The following ZBTB25 variants were observed in gnomAD, a reference collection of about 807,000 sequenced individuals.
The protein encoded by ZBTB25 is zinc finger and BTB domain-containing protein 25.
Under a neutral mutation model 34.2 loss-of-function variants are expected in ZBTB25, and 20 were observed. That is an observed-to-expected ratio of 0.58 (90% confidence interval 0.41 to 0.85). ZBTB25 has a LOEUF of 0.85. ZBTB25 is among the 40% of genes least tolerant of loss of function. ZBTB25 has a pLI of 0.00. For synonymous variants in ZBTB25, 175 were observed against 186.4 expected, an observed-to-expected ratio of 0.94 and a Z score of 0.50; for missense variants, 437 against 521.8, an observed-to-expected ratio of 0.84 and a Z score of 1.58.
chr14:64,458,726 T>C (rs1401187964), intron 2 of ZBTB25: 1 of 245,442 alleles, frequency 4.1e-6, no homozygotes, highest in African/African-American at 2.3e-5. Context: ...AGCAAATGTC[T>C]TAGGAAGTAT....
At chr14:64,491,082 T>C (rs1044985286) in intron 1 of ZBTB25, among the ~76,000 whole-genome samples, 4 of 152,172 alleles carry the variant, frequency 2.6e-5, no homozygotes, top group African/African-American at 9.6e-5. Context: ...TCATCAAATG[T>C]TTGGGGGACT....
At chr14:64,490,647 G>A in intron 1 of ZBTB25, 107 bp from the exon 2 acceptor site, 1 of 1,012,694 alleles carries the variant, frequency 9.9e-7, no homozygotes, top group Non-Finnish European at 1.4e-6. Context: ...AGAGTAACAA[G>A]GAGATCTAAA....
intron 1 of ZBTB25, 91 bp downstream of exon 1, chr14:64,503,570 C>T: frequency 1.0e-6 from 1 of 985,992 alleles, no homozygotes; most frequent in East Asian, 1.1e-4. Flanking sequence ...TGTCCCGCGA[C>T]TGGTGCAGCT....
At position 64,485,124 on chromosome 14, in the gene ZBTB25, TACC is replaced by T. The variant is rs1453191110; in HGVS notation, c.*1796_*1798del. ...CTTCATTCAATCCTCAAGAAAAACT[TACC>T]ACTTTGTAATTTACCTAAACTGTTT... On this transcript the variant is annotated 3_prime_UTR_variant, in exon 3 of 3. Transcript: ENST00000608382. 2.0e-6 allele frequency: 2 copies of T among 985,320 alleles called. No homozygotes were observed. Among genetic ancestry groups the T allele is most frequent in the African/African-American group, 3.5e-5 (2 of 57,256 alleles). 61.0% of individuals were successfully genotyped at this position (985,320 alleles called of 1,614,324 possible). A position where few individuals can be genotyped will look rare whatever the true frequency, so the allele number is the denominator to read the frequency against.
Position 64,487,450 on chromosome 14 carries a change from CAT to C in ZBTB25, c.779_780del (p.His260ArgfsTer17). 1.9e-6 allele frequency: 3 copies of C among 1,614,194 alleles called. No individual in the cohort carries two copies. The highest frequency in any genetic ancestry group is 1.7e-6 in the Non-Finnish European group (2 of 1,180,024). ...ACACCGAATGGCAGGGATCCAGACA[CAT>C]GTGTATGGAGATGTTGCCTTAGGTT... ...RSNLRQHLHT[H>X]VSGSLPFGVP... On this transcript the variant is annotated frameshift_variant, in exon 3 of 3. Transcript: ENST00000608382. LOFTEE classifies it high-confidence loss of function.
At chr14:64,449,518 T>G in exon 3 of ZBTB25, 1 of 1,614,144 alleles carries the variant, frequency 6.2e-7, no homozygotes, top group Non-Finnish European at 8.5e-7. Context: ...TGCCGTGAAG[T>G]GCACTCACTG....
chr14:64,486,089 G>A lies in ZBTB25; in HGVS notation c.*834C>T. On this transcript the variant is annotated 3_prime_UTR_variant, in exon 3 of 3. Transcript: ENST00000608382. ...CCAAGGCGGGCAGATGACGAGGTCA[G>A]GAGATCGAGACCATCCTGGCTAACA... The A allele has an allele frequency of 1.2e-6, 1 of 844,760 alleles. No individual in the cohort carries two copies. Among genetic ancestry groups the A allele is most frequent in the Non-Finnish European group, 1.4e-6 (1 of 702,428 alleles). 52.3% of individuals were successfully genotyped at this position (844,760 alleles called of 1,614,324 possible). A position where few individuals can be genotyped will look rare whatever the true frequency, so the allele number is the denominator to read the frequency against.
At chr14:64,459,360 G>A (rs1178025896) in intron 2 of ZBTB25, among the ~76,000 whole-genome samples, 1 of 152,156 alleles carries the variant, frequency 6.6e-6, no homozygotes, top group African/African-American at 2.4e-5. Flanking sequence ...GGGAGCACCT[G>A]AGAAAAACTA....
intron 1 of ZBTB25, among the ~76,000 whole-genome samples, chr14:64,501,707 TG>T (rs1383502756): frequency 3.3e-5 from 5 of 152,208 alleles, no homozygotes; most frequent in South Asian, 2.1e-4. Flanking sequence ...GGTTCAGTGG[TG>T]GGGAGGACAT....
downstream of ZBTB25, among the ~76,000 whole-genome samples, chr14:64,475,845 T>C (rs189390395): frequency 4.6e-5 from 7 of 152,346 alleles, no homozygotes; most frequent in Admixed American, 1.3e-4. Context: ...ATGGGAGCAG[T>C]GTCCAGCAGT....
At chr14:64,467,436 C>A (rs544502748) in intron 2 of ZBTB25, 1 of 152,304 alleles carries the variant, frequency 6.6e-6, no homozygotes, top group African/African-American at 2.4e-5. Context: ...ACATGTGATA[C>A]AGCAGATACA....
chr14:64,489,141 G>A (rs10150781), intron 2 of ZBTB25, among the ~76,000 whole-genome samples: 36,623 of 151,962 alleles, frequency 0.24, 5,159 homozygotes, highest in East Asian at 0.41. Flanking sequence ...CTAGCTACTA[G>A]GGAGACTGAA....
exon 3 of ZBTB25, chr14:64,449,420 T>G (rs1566575638): frequency 6.2e-7 from 1 of 1,611,600 alleles, no homozygotes; most frequent in Non-Finnish European, 8.5e-7. Context: ...TTTCCATGCT[T>G]TGATATGAAA....
rs1030276722 is a variant in ZBTB25, at chr14:64,478,790, C to T, written c.*8133G>A. The T allele has an allele frequency of 1.3e-4, 20 of 152,084 alleles. No homozygotes were observed. The highest frequency in any genetic ancestry group is 3.2e-3 in the Middle Eastern group (1 of 316). 9.4% of individuals were successfully genotyped at this position (152,084 alleles called of 1,614,324 possible). ...AGCATGATCCAAAAGTAGCTAAGCC[C>T]TAAATAATATTTACTATTAATAGTA... On this transcript the variant is annotated 3_prime_UTR_variant, in exon 3 of 3. Transcript: ENST00000608382.
intron 1 of ZBTB25, among the ~76,000 whole-genome samples, chr14:64,501,098 T>C (rs2140027748): frequency 6.6e-6 from 1 of 152,268 alleles, no homozygotes; most frequent in South Asian, 2.1e-4. Flanking sequence ...AAAAATTTAA[T>C]CAATAATCCT....
chr14:64,454,846 G>C (rs1350317658), intron 2 of ZBTB25: 2 of 1,614,112 alleles, frequency 1.2e-6, no homozygotes, highest in African/African-American at 1.3e-5. Flanking sequence ...CAGCGTTGGG[G>C]CTGGTTTTCT....
At chr14:64,489,256 C>T (rs986102395) in intron 2 of ZBTB25, among the ~76,000 whole-genome samples, 2 of 151,454 alleles carry the variant, frequency 1.3e-5, no homozygotes, top group East Asian at 3.9e-4. Context: ...GGTGACAGAG[C>T]TAGACTCCGT....
In ZBTB25 at chr14:64,484,103, A is replaced by G. The variant is rs1427448314; in HGVS notation, c.*2820T>C. 1 of 152,166 alleles carries G rather than the reference A, an allele frequency of 6.6e-6. No individual in the cohort carries two copies. Among genetic ancestry groups the G allele is most frequent in the African/African-American group, 2.4e-5 (1 of 41,430 alleles). 9.4% of individuals were successfully genotyped at this position (152,166 alleles called of 1,614,324 possible). ...AAGTTGATATTTTCCCACTTCCTAA[A>G]CAGAATGAATGTTTTAAGGAACAAG... is the stretch of plus-strand genomic sequence containing the variant. On this transcript the variant is annotated 3_prime_UTR_variant, in exon 3 of 3. Transcript: ENST00000608382.
chr14:64,494,526 G>T (rs1169090196), intron 1 of ZBTB25, among the ~76,000 whole-genome samples: 1 of 152,182 alleles, frequency 6.6e-6, no homozygotes, highest in Non-Finnish European at 1.5e-5. Context: ...CCAGCTACTT[G>T]GGAGGTTGAG....
Sources: allele counts gnomAD v4.1 joint callset (sites outside exome capture counted in the v4.1 genomes callset), GRCh38; gene constraint gnomAD v4.1.1; transcripts MANE v1.5; gene names NCBI Gene and HGNC (gene_info 2026-07-23, HGNC 2026-07-21).